Variants in EXTL3 observed in about 807,000 individuals in gnomAD.
EXTL3 encodes the protein exostosin like glycosyltransferase 3, also known as exostosin-like 3.
EXTL3 carries 27 observed loss-of-function variants against 69.3 expected under a neutral mutation model. That is an observed-to-expected ratio of 0.39 (90% CI 0.29 to 0.54). The LOEUF is 0.54. Among genes scored for constraint, EXTL3 ranks in the 20% least tolerant of loss-of-function variants. The pLI is 0.69. For synonymous variants in EXTL3, 511 were observed against 499.4 expected (o/e 1.02, Z -0.31); for missense variants, 1,003 against 1,231.8 (o/e 0.81, Z 2.78).
intron 1 of EXTL3, among the ~76,000 whole-genome samples, chr8:28,630,006 C>A (rs765453504): frequency 5.3e-5 from 8 of 152,170 alleles, no homozygotes; most frequent in Non-Finnish European, 1.0e-4. Flanking sequence ...CAGGTTGACT[C>A]ATCACGATGA....
At chr8:28,695,326 A>C (rs886925369) in intron 1 of EXTL3, among the ~76,000 whole-genome samples, 11 of 151,910 alleles carry the variant, frequency 7.2e-5, no homozygotes, top group African/African-American at 1.9e-4. Context: ...ATGGGGTTTC[A>C]CCATGTTGGT....
rs1462564930 is a variant in EXTL3, at chr8:28,750,371, A to G, written c.2551-286A>G. On this transcript the variant is annotated intron_variant, in intron 6 of 6. Transcript: ENST00000220562. This position sits in a 1 kb window ranked among gnomAD's most constrained non-coding sequence, Gnocchi z 5.2. ...TACCTATGGCTCTGCAACCAAGTAC[A>G]TACTAGGAGTAGACTTACTGAGACA... is the stretch of plus-strand genomic sequence containing the variant. 2.6e-5 allele frequency among the ~76,000 whole-genome samples: 4 copies of G among 152,234 alleles called. No homozygotes were observed. Among genetic ancestry groups the G allele is most frequent in the Middle Eastern group, 3.2e-3 (1 of 316 alleles).
chr8:28,703,018 A>G (rs1045547163), intron 1 of EXTL3, among the ~76,000 whole-genome samples: 1 of 152,226 alleles, frequency 6.6e-6, no homozygotes, highest in Non-Finnish European at 1.5e-5. Context: ...GGACTTTGAA[A>G]TATTTTGTGA....
chr8:28,727,669 A>G (rs1204890644), intron 3 of EXTL3, among the ~76,000 whole-genome samples: 2 of 152,156 alleles, frequency 1.3e-5, no homozygotes, highest in African/African-American at 4.8e-5. Context: ...GCTGGCATTC[A>G]CACGTCTAGT....
chr8:28,746,909 C>T (rs556373139), intron 6 of EXTL3, among the ~76,000 whole-genome samples: 6 of 152,246 alleles, frequency 3.9e-5, no homozygotes, highest in African/African-American at 9.6e-5. Context: ...CTCTTGACCT[C>T]GTGATCTGCC....
chr8:28,712,228 G>A (rs914955009), intron 1 of EXTL3, among the ~76,000 whole-genome samples: 2 of 152,226 alleles, frequency 1.3e-5, no homozygotes, highest in Non-Finnish European at 1.5e-5. Context: ...TTGAGAGCGA[G>A]AAGCTTGGCA....
chr8:28,690,802 G>A (rs530778608), intron 1 of EXTL3, among the ~76,000 whole-genome samples: 43 of 152,290 alleles, frequency 2.8e-4, no homozygotes, highest in Non-Finnish European at 5.3e-4. Context: ...GCCTTGTGTC[G>A]TTTAATCCTG....
chr8:28,703,451 C>G (rs1363028471), intron 1 of EXTL3, among the ~76,000 whole-genome samples: 1 of 152,068 alleles, frequency 6.6e-6, no homozygotes, highest in African/African-American at 2.4e-5. Context: ...AAATGTATTT[C>G]TAGGAGAGAG....
At chr8:28,630,328 G>A (rs1032413932) in intron 1 of EXTL3, among the ~76,000 whole-genome samples, 1 of 152,248 alleles carries the variant, frequency 6.6e-6, no homozygotes, top group Middle Eastern at 3.4e-3. Context: ...CAGCCATGTG[G>A]AACTGTGAGT....
At chr8:28,706,018 CTG>C (rs1800915603) in intron 1 of EXTL3, among the ~76,000 whole-genome samples, 1 of 152,146 alleles carries the variant, frequency 6.6e-6, no homozygotes, top group Admixed American at 6.5e-5. Context: ...GGCTTTGAAT[CTG>C]TATTTTTCCA....
At position 28,645,167 on chromosome 8, in the gene EXTL3, A is replaced by G. The variant is rs534891272; in HGVS notation, c.-53+22357A>G. Among the ~76,000 whole-genome samples the G allele has an allele frequency of 2.6e-5, 4 of 152,364 alleles. No individual in the cohort carries two copies. In the East Asian group the frequency reaches 7.7e-4, roughly 29 times the overall value. ...CACTGTATTTGTCATGGTACTTGAC[A>G]CTAAAAAAGAAACAAACATGAAATG... On this transcript the variant is annotated intron_variant, in intron 1 of 6. Transcript: ENST00000523149.
chr8:28,620,673 A>T (rs1806398767), upstream of EXTL3, among the ~76,000 whole-genome samples: 1 of 152,164 alleles, frequency 6.6e-6, no homozygotes, highest in Admixed American at 6.5e-5. Context: ...CACTGTAATC[A>T]ATTTGGTTTG....
intron 1 of EXTL3, among the ~76,000 whole-genome samples, chr8:28,713,242 T>G (rs1164104683): frequency 6.6e-6 from 1 of 152,220 alleles, no homozygotes; most frequent in African/African-American, 2.4e-5. Flanking sequence ...TCCCCGTGTA[T>G]ACCTCTTGTC....
In EXTL3 at chr8:28,739,592, A is replaced by G. The variant is rs74353155; in HGVS notation, c.2421+1929A>G. Reference sequence around the variant, plus strand: ...GCGATCTGCCCGCCTTAGCCTCCCAAAGTGTTGGGATTACAGATGTGAGGA... The same window carrying G: ...GCGATCTGCCCGCCTTAGCCTCCCAGAGTGTTGGGATTACAGATGTGAGGA... On this transcript the variant is annotated intron_variant, in intron 5 of 6. Coordinates refer to ENST00000220562, the MANE Select transcript of EXTL3 (RefSeq NM_001440.4). Among the ~76,000 whole-genome samples, 502 of 152,180 alleles carry G rather than the reference A, an allele frequency of 3.3e-3. 2 individuals carry two copies. Among genetic ancestry groups the G allele is most frequent in the African/African-American group, 0.012 (495 of 41,512 alleles).
chr8:28,639,245 T>G (rs1016978203), intron 1 of EXTL3, among the ~76,000 whole-genome samples: 1 of 152,006 alleles, frequency 6.6e-6, no homozygotes, highest in Non-Finnish European at 1.5e-5. Context: ...CAGGAATCAT[T>G]TTTGACTCCT....
intron 6 of EXTL3, among the ~76,000 whole-genome samples, chr8:28,743,663 T>C (rs1026942040): frequency 1.3e-5 from 2 of 152,204 alleles, no homozygotes; most frequent in African/African-American, 4.8e-5. Flanking sequence ...TTACTCCCTT[T>C]CCCCTAGATG....
intron 3 of EXTL3, 137 bp from the exon 4 acceptor site, chr8:28,731,086 C>G: frequency 1.0e-6 from 1 of 969,304 alleles, no homozygotes; most frequent in Non-Finnish European, 1.6e-6. Flanking sequence ...AAGGCATATG[C>G]TAGATTTTAC....
At chr8:28,680,763 T>G (rs1374540674) in intron 1 of EXTL3, among the ~76,000 whole-genome samples, 1 of 152,218 alleles carries the variant, frequency 6.6e-6, no homozygotes. Flanking sequence ...CTTTTATGAG[T>G]TTGACTTATT....
At chr8:28,721,812 G>GT (rs1453136148) in intron 3 of EXTL3, among the ~76,000 whole-genome samples, 1 of 152,206 alleles carries the variant, frequency 6.6e-6, no homozygotes, top group East Asian at 1.9e-4. Flanking sequence ...CTGGAAAATA[G>GT]TAAGTAGGGT....
Sources: gnomAD v4.1 joint callset for allele counts (sites outside exome capture counted in the v4.1 genomes callset) on GRCh38, gnomAD v4.1.1 for gene constraint, Gnocchi (gnomAD v3.1) non-coding constraint, MANE v1.5 for transcripts, NCBI Gene and HGNC (gene_info 2026-07-23, HGNC 2026-07-21) for gene names.